The following SYN2 variants were observed in gnomAD, a reference collection of about 807,000 sequenced individuals.
SYN2 encodes synapsin II, also known as synapsin-2.
SYN2 carries 19 observed loss-of-function variants against 50.9 expected under a neutral mutation model. The observed-to-expected ratio is 0.37, with a 90% confidence interval of 0.26 to 0.55. The LOEUF is 0.55. Ranked by LOEUF, SYN2 falls within the 20% of genes least tolerant of loss-of-function variation. The pLI, the probability that SYN2 is intolerant of heterozygous loss-of-function variation, is 0.81. For synonymous variants in SYN2, 255 were observed against 224.9 expected (o/e 1.13, Z -1.20); for missense variants, 587 against 576.4 (o/e 1.02, Z -0.19).
chr3:12,059,725 T>C (rs1023292663), intron 1 of SYN2, among the ~76,000 whole-genome samples: 2 of 152,240 alleles, frequency 1.3e-5, no homozygotes, highest in South Asian at 4.1e-4. Context: ...GCTTATTTAC[T>C]TCTCAGGGCT....
intron 1 of SYN2, among the ~76,000 whole-genome samples, chr3:12,108,694 G>A (rs3821616): frequency 0.045 from 6,890 of 151,828 alleles, 225 homozygotes; most frequent in Middle Eastern, 0.1. Context: ...CAGATTCCAC[G>A]GTGAACTAAT....
intron 1 of SYN2, among the ~76,000 whole-genome samples, chr3:12,108,612 A>C (rs1696249565): frequency 6.6e-6 from 1 of 152,178 alleles, no homozygotes; most frequent in Non-Finnish European, 1.5e-5. Context: ...TTCTTTTTAA[A>C]TACAGAGTCC....
At chr3:12,013,594 CA>C (rs1259292893) in intron 1 of SYN2, among the ~76,000 whole-genome samples, 1 of 152,088 alleles carries the variant, frequency 6.6e-6, no homozygotes, top group Non-Finnish European at 1.5e-5. Flanking sequence ...CTTCCTATTC[CA>C]GCTCTTCTAT....
intron 1 of SYN2, among the ~76,000 whole-genome samples, chr3:12,033,261 G>T (rs1178064736): frequency 6.6e-6 from 1 of 152,144 alleles, no homozygotes; most frequent in Non-Finnish European, 1.5e-5. Flanking sequence ...GCTGCGTGCT[G>T]GGAGAACCAC....
chr3:12,019,066 A>G (rs989643850), intron 1 of SYN2, among the ~76,000 whole-genome samples: 2 of 152,212 alleles, frequency 1.3e-5, no homozygotes, highest in African/African-American at 2.4e-5. Context: ...GTCTGTGGAC[A>G]TATATCTTAT....
chr3:12,152,863 T>G (rs921288986), intron 5 of SYN2, among the ~76,000 whole-genome samples: 1 of 152,152 alleles, frequency 6.6e-6, no homozygotes, highest in African/African-American at 2.4e-5. Context: ...GCATTCTTAT[T>G]CAAAGAGGTG....
chr3:12,111,876 G>A (rs1326375370), intron 1 of SYN2, among the ~76,000 whole-genome samples: 2 of 152,142 alleles, frequency 1.3e-5, no homozygotes, highest in East Asian at 1.9e-4. Context: ...ATTATTTTGG[G>A]ATGCCCACGC....
chr3:12,092,160 G>T (rs1574935518), intron 1 of SYN2, among the ~76,000 whole-genome samples: 1 of 152,072 alleles, frequency 6.6e-6, no homozygotes, highest in African/African-American at 2.4e-5. Flanking sequence ...AGGATACTTG[G>T]AATCTGAACT....
chr3:12,059,265 T>A (rs555863694), intron 1 of SYN2, among the ~76,000 whole-genome samples: 50 of 152,314 alleles, frequency 3.3e-4, no homozygotes, highest in African/African-American at 1.1e-3. Flanking sequence ...AGGAAAATCA[T>A]AAATCAATAC....
chr3:12,018,894 G>T (rs307615), intron 1 of SYN2, among the ~76,000 whole-genome samples: 149,008 of 152,310 alleles, frequency 0.98, 72,911 homozygotes, highest in Middle Eastern at 1. Context: ...TTTTAGGTAT[G>T]GTCATGGGCA....
chr3:12,180,985 A>G (rs1165742559), intron 10 of SYN2, among the ~76,000 whole-genome samples: 1 of 152,238 alleles, frequency 6.6e-6, no homozygotes, highest in Non-Finnish European at 1.5e-5. Context: ...GCATTCATCC[A>G]GTCAATCTCA....
chr3:12,156,456 G>A (rs914459283), intron 5 of SYN2, among the ~76,000 whole-genome samples: 1 of 152,192 alleles, frequency 6.6e-6, no homozygotes, highest in African/African-American at 2.4e-5. Flanking sequence ...TGTGCAAAAG[G>A]CAGAGTTGAC....
In SYN2 at chr3:12,161,982, T is replaced by C. The variant is rs763410036; in HGVS notation, c.838-30T>C. The C allele has an allele frequency of 2.4e-5, 38 of 1,613,058 alleles. 2 individuals carry two copies. Among genetic ancestry groups the C allele is most frequent in the South Asian group, 2.1e-4 (19 of 90,930 alleles). On this transcript the variant is annotated intron_variant, in intron 6 of 12. Transcript: ENST00000621198. ...AGTGTGTGTATGTGTGTGTCTCCCT[T>C]TCCCCCTTTCTGCCCTGCTCTAACA...
chr3:12,070,622 C>A, intron 1 of SYN2: 1 of 1,379,382 alleles, frequency 7.2e-7, no homozygotes, highest in Non-Finnish European at 9.9e-7. Context: ...CCTTCAACAC[C>A]CTGTCCATGT....
chr3:12,085,317 CAT>C (rs1258815677), intron 1 of SYN2, among the ~76,000 whole-genome samples: 2 of 150,320 alleles, frequency 1.3e-5, no homozygotes, highest in Non-Finnish European at 3.0e-5. Flanking sequence ...ATCAAGAAGA[CAT>C]AATAATCATA....
chr3:12,112,620 A>T (rs924930180), intron 1 of SYN2, among the ~76,000 whole-genome samples: 4 of 152,204 alleles, frequency 2.6e-5, no homozygotes, highest in African/African-American at 9.6e-5. Context: ...AGTGACCCCT[A>T]TAAACCTTGT....
chr3:12,121,393 T>C (rs1696553961), intron 1 of SYN2, among the ~76,000 whole-genome samples: 2 of 152,368 alleles, frequency 1.3e-5, no homozygotes, highest in South Asian at 4.1e-4. Flanking sequence ...TAAATAATTG[T>C]TATGCTATTG....
At chr3:12,011,603 C>T (rs1369343825) in intron 1 of SYN2, among the ~76,000 whole-genome samples, 2 of 152,130 alleles carry the variant, frequency 1.3e-5, no homozygotes, top group African/African-American at 4.8e-5. Flanking sequence ...ATTCAGTCAC[C>T]CTGCCCTTCT....
intron 5 of SYN2, among the ~76,000 whole-genome samples, chr3:12,152,827 G>T (rs1277099184): frequency 6.6e-6 from 1 of 152,186 alleles, no homozygotes; most frequent in Admixed American, 6.5e-5. Context: ...ACTTGGAGAG[G>T]TAGTACCTAT....
Sources: gnomAD v4.1 joint callset for allele counts (sites outside exome capture counted in the v4.1 genomes callset) on GRCh38, gnomAD v4.1.1 for gene constraint, MANE v1.5 for transcripts, NCBI Gene and HGNC (gene_info 2026-07-23, HGNC 2026-07-21) for gene names.